BTBD3: variants seen among roughly 807,000 people sequenced by gnomAD.
The protein encoded by BTBD3 is BTB/POZ domain-containing protein 3.
A neutral mutation model predicts 41.6 loss-of-function variants in BTBD3; 14 were observed. The ratio of observed to expected loss-of-function variants is 0.34; its 90% CI spans 0.22 to 0.53. The LOEUF is 0.53. BTBD3 is among the 20% of genes least tolerant of loss of function. The pLI is 0.95. For missense variants in BTBD3, 426 were observed against 654.7 expected (o/e 0.65, Z 3.81); for synonymous variants, 249 against 233.7 (o/e 1.07, Z -0.60).
At chr20:11,916,520 C>G (rs1488362290), upstream of BTBD3, among the ~76,000 whole-genome samples, 1 of 152,190 alleles carries the variant, frequency 6.6e-6, no homozygotes, top group Non-Finnish European at 1.5e-5. Context: ...GGCCCTGGTT[C>G]TCTTACAGAG....
intron 1 of BTBD3, among the ~76,000 whole-genome samples, chr20:11,899,701 C>G (rs6109172): frequency 1.3e-5 from 2 of 152,106 alleles, no homozygotes; most frequent in African/African-American, 2.4e-5. Context: ...TTCTAGGCTC[C>G]TTTTGTGTCC....
chr20:11,916,054 C>T (rs937378884), upstream of BTBD3, among the ~76,000 whole-genome samples: 2 of 152,068 alleles, frequency 1.3e-5, no homozygotes, highest in African/African-American at 4.8e-5. Flanking sequence ...ATTTTGTCTC[C>T]ATCCAGCTAC....
chr20:11,919,001 A>G, intron 1 of BTBD3, 85 bp from the exon 2 acceptor site: 2 of 989,172 alleles, frequency 2.0e-6, no homozygotes, highest in Non-Finnish European at 1.5e-6. Flanking sequence ...CTTAGCTTGC[A>G]AGTCTTTTGT....
chr20:11,918,349 G>T lies in BTBD3; in HGVS notation c.74G>T (p.Arg25Met). Residue 25 changes from arginine (R) to methionine (M), a missense_variant, in exon 1 of 4, where the codon AGG becomes ATG. Arg to Met is a moderately conservative substitution (Grantham distance 91, BLOSUM62 -1). Transcript: ENST00000378226. Reference protein sequence around the residue: ...FLMLPETVKNRSKKSSKKANT... With the variant: ...FLMLPETVKNMSKKSSKKANT... ...ATGCTTCCAGAGACGGTAAAGAACA[G>T]GTCCAAGAAAAGCTCAAAGAAAGCA... is the stretch of plus-strand genomic sequence containing the variant. 6.2e-7 allele frequency: 1 copy of T among 1,613,948 alleles called. No individual in the cohort carries two copies.
chr20:11,916,769 G>A (rs1054442204), upstream of BTBD3, among the ~76,000 whole-genome samples: 2 of 152,260 alleles, frequency 1.3e-5, no homozygotes, highest in South Asian at 2.1e-4. Flanking sequence ...TTTGCCTGAG[G>A]GGTAGCAAAT....
At chr20:11,893,862 T>C (rs1323234611) in intron 1 of BTBD3, among the ~76,000 whole-genome samples, 1 of 152,238 alleles carries the variant, frequency 6.6e-6, no homozygotes, top group Non-Finnish European at 1.5e-5. Flanking sequence ...CCTTTAATTT[T>C]ATCTGTAGTT....
upstream of BTBD3, among the ~76,000 whole-genome samples, chr20:11,915,178 T>G (rs2056910449): frequency 6.6e-6 from 1 of 152,170 alleles, no homozygotes; most frequent in Non-Finnish European, 1.5e-5. Context: ...TAATTCCTTA[T>G]TTTTCCTGCC....
chr20:11,900,017 T>G (rs1156648782), intron 1 of BTBD3, among the ~76,000 whole-genome samples: 1 of 152,228 alleles, frequency 6.6e-6, no homozygotes, highest in Non-Finnish European at 1.5e-5. Context: ...TAGCTCCTTG[T>G]GTATATTTGA....
chr20:11,918,266 C>CA lies in BTBD3; in HGVS notation c.-9dup. The CA allele has an allele frequency of 1.3e-6, 2 of 1,559,886 alleles. No homozygotes were observed. The highest frequency in any genetic ancestry group is 1.7e-6 in the Non-Finnish European group (2 of 1,160,082). Reference sequence around the variant, plus strand: ...GGATATCTAACTCTAAAGAGAGACACACTGTACTCATGGTAGATGACAAGG... The same window carrying CA: ...GGATATCTAACTCTAAAGAGAGACACAACTGTACTCATGGTAGATGACAAGG... On this transcript the variant is annotated 5_prime_UTR_variant, in exon 1 of 4. Transcript: ENST00000378226.
At chr20:11,917,441 T>C (rs2056925890), upstream of BTBD3, among the ~76,000 whole-genome samples, 1 of 152,180 alleles carries the variant, frequency 6.6e-6, no homozygotes, top group African/African-American at 2.4e-5. Flanking sequence ...AAAAGAAAAA[T>C]AACGTCCTTT....
intron 3 of BTBD3, among the ~76,000 whole-genome samples, chr20:11,921,832 A>T (rs1437621706): frequency 6.6e-6 from 1 of 152,236 alleles, no homozygotes; most frequent in Non-Finnish European, 1.5e-5. Flanking sequence ...GTAGAAGAGA[A>T]GCAGATGATG....
At position 11,906,254 on chromosome 20, in the gene BTBD3, C is replaced by CTTTTTTTTTTTTTTTTTTTTTTTTTTT; in HGVS notation, c.-125-12078_-125-12052dup. On this transcript the variant is annotated intron_variant, in intron 1 of 4. Coordinates refer to the BTBD3 transcript ENST00000254977. ...CCATAATTTCCATTTATTATTACTC[C>CTTTTTTTTTTTTTTTTTTTTTTTTTTT]TTTTTTTTTTTTTTTTTTTTTTTTT... 2.0e-3 allele frequency among the ~76,000 whole-genome samples: 71 copies of CTTTTTTTTTTTTTTTTTTTTTTTTTTT among 36,224 alleles called. 24 individuals are homozygous for CTTTTTTTTTTTTTTTTTTTTTTTTTTT. The highest frequency in any genetic ancestry group is 2.4e-3 in the Non-Finnish European group (49 of 20,562). 23.8% of individuals were successfully genotyped at this position (36,224 alleles called of 152,430 possible). A position where few individuals can be genotyped will look rare whatever the true frequency, so the allele number is the denominator to read the frequency against.
At position 11,904,441 on chromosome 20, in the gene BTBD3, C is replaced by T. The variant is rs1600232267; in HGVS notation, c.-126+13487C>T. Among the ~76,000 whole-genome samples, 3 of 152,258 alleles carry T rather than the reference C, an allele frequency of 2.0e-5. No homozygotes were observed. The East Asian group carries it at 5.8e-4, about 29-fold the overall frequency. ...CTCAACATTGGGGATTACAATTCAT[C>T]ATGAAATGTGGATGGGGACACAAAT... On this transcript the variant is annotated intron_variant, in intron 1 of 4. Transcript: ENST00000254977.
chr20:11,897,071 GCTGGCCTT>G (rs1242266190), intron 1 of BTBD3, among the ~76,000 whole-genome samples: 2 of 151,844 alleles, frequency 1.3e-5, no homozygotes, highest in Non-Finnish European at 2.9e-5. Flanking sequence ...CTTCTATACC[GCTGGCCTT>G]CTGGTTTCTT....
chr20:11,902,024 G>C (rs984440197), intron 1 of BTBD3, among the ~76,000 whole-genome samples: 2 of 152,050 alleles, frequency 1.3e-5, no homozygotes, highest in East Asian at 3.9e-4. Context: ...AGCATAAAGA[G>C]GCACTGATGC....
At chr20:11,902,844 G>T (rs1458206096) in intron 1 of BTBD3, among the ~76,000 whole-genome samples, 1 of 152,120 alleles carries the variant, frequency 6.6e-6, no homozygotes, top group Non-Finnish European at 1.5e-5. Flanking sequence ...TTTTATGGTA[G>T]TAAATGATAA....
At chr20:11,916,912 C>A (rs2056922047), upstream of BTBD3, among the ~76,000 whole-genome samples, 1 of 152,032 alleles carries the variant, frequency 6.6e-6, no homozygotes, top group African/African-American at 2.4e-5. Flanking sequence ...TTTTTACTCA[C>A]CAACGCTAGA....
At position 11,923,451 on chromosome 20, in the gene BTBD3, C is replaced by G; in HGVS notation, c.1354C>G (p.Pro452Ala). 3 of 1,614,196 alleles carry G rather than the reference C, an allele frequency of 1.9e-6. No homozygotes were observed. Among genetic ancestry groups the G allele is most frequent in the Non-Finnish European group, 2.5e-6 (3 of 1,180,038 alleles). The change falls in exon 4 of 4, where the codon CCC (proline) becomes GCC (alanine). Residue 452 changes from proline (P) to alanine (A), a missense_variant. By Grantham distance (27) the Pro-to-Ala change is conservative. Coordinates refer to ENST00000378226, the MANE Select transcript of BTBD3 (RefSeq NM_014962.4). The surrounding 1 kb of genome is among the most constrained non-coding windows in gnomAD (Gnocchi z 5.3). The stretch of plus-strand genomic sequence containing the variant: ...CTCAGATGGGTCCAGCAATACCTTT[C>G]CCGTATGGTTTGAATACCCAGTGCA... ...YFSDGSSNTF[P>A]VWFEYPVQIE...
At position 11,924,965 on chromosome 20, in the gene BTBD3, T is replaced by G. The variant is rs548133747; in HGVS notation, c.*1299T>G. ...AATGTAAACAAAGGAGGGAAAAACT[T>G]ATTAAATTCTCCTTCGCTGCTGGCT... is the stretch of plus-strand genomic sequence containing the variant. On this transcript the variant is annotated 3_prime_UTR_variant, in exon 4 of 4. Transcript: ENST00000378226. 1 of 152,794 alleles carries G rather than the reference T, an allele frequency of 6.5e-6. No homozygotes were observed. Among genetic ancestry groups the G allele is most frequent in the African/African-American group, 2.4e-5 (1 of 41,580 alleles). 9.5% of individuals were successfully genotyped at this position (152,794 alleles called of 1,614,324 possible). A position where few individuals can be genotyped will look rare whatever the true frequency, so the allele number is the denominator to read the frequency against.
Sources: allele counts gnomAD v4.1 joint callset (sites outside exome capture counted in the v4.1 genomes callset), GRCh38; gene constraint gnomAD v4.1.1; non-coding constraint Gnocchi (gnomAD v3.1); transcripts MANE v1.5; gene names NCBI Gene and HGNC (gene_info 2026-07-23, HGNC 2026-07-21).